Variants in DLGAP2 observed in about 807,000 individuals in gnomAD.
The protein encoded by DLGAP2 is disks large-associated protein 2.
A neutral mutation model predicts 100.3 loss-of-function variants in DLGAP2; 26 were observed. That is an observed-to-expected ratio of 0.26 (90% confidence interval 0.19 to 0.36). The LOEUF (loss-of-function observed/expected upper bound fraction) is 0.36. Among genes scored for constraint, DLGAP2 ranks in the 10% least tolerant of loss-of-function variants. The pLI is 1.00. For synonymous variants in DLGAP2, 886 were observed against 630.1 expected (o/e 1.41, Z -6.08); for missense variants, 1,858 against 1,453.2 (o/e 1.28, Z -4.53).
intron 2 of DLGAP2, among the ~76,000 whole-genome samples, chr8:1,237,022 C>A (rs1188492840): frequency 5.4e-5 from 8 of 147,042 alleles, no homozygotes; most frequent in African/African-American, 1.3e-4. Flanking sequence ...TTCTGTCTCA[C>A]ACAGAGCATC....
Position 1,135,240 on chromosome 8 carries a change from T to C in DLGAP2, c.74-123611T>C, listed in dbSNP as rs535180452. On this transcript the variant is annotated intron_variant, in intron 2 of 14. Transcript: ENST00000637795. ...TTGTTTTTGCTTTTTAACAAATACA[T>C]GTCAGTTAGTATTTTCCAAGCTGCC... Among the ~76,000 whole-genome samples the C allele has an allele frequency of 2.7e-3, 411 of 152,270 alleles. 10 individuals carry two copies. The South Asian group carries it at 0.035, about 13-fold the overall frequency.
chr8:1,128,824 A>G (rs1363963745), intron 2 of DLGAP2, among the ~76,000 whole-genome samples: 1 of 152,226 alleles, frequency 6.6e-6, no homozygotes, highest in Non-Finnish European at 1.5e-5. Context: ...AGCTCATTGT[A>G]AAGTGTTGGA....
intron 2 of DLGAP2, among the ~76,000 whole-genome samples, chr8:924,399 G>A (rs1383639476): frequency 6.6e-6 from 1 of 152,112 alleles, no homozygotes. Flanking sequence ...TGGACGTTGG[G>A]TGGGGTGGAT....
At chr8:1,602,281 G>A (rs1047074541) in intron 6 of DLGAP2, among the ~76,000 whole-genome samples, 2 of 152,228 alleles carry the variant, frequency 1.3e-5, no homozygotes, top group Admixed American at 1.3e-4. Flanking sequence ...CATTCTAGTA[G>A]AAAGTGTAAG....
Position 1,668,588 on chromosome 8 carries a change from G to T in DLGAP2, c.2070G>T (p.Gln690His). The change falls in exon 9 of 15, where the codon CAG (glutamine) becomes CAT (histidine). Residue 690 changes from glutamine to histidine, a missense_variant. Coordinates refer to ENST00000637795, the MANE Select transcript of DLGAP2 (RefSeq NM_001346810.2). ...CCCAGCGCCACCTGCCAGAGAGCCA[G>T]AGCAGCTCTGTGCGGACCAGCGACA... ...AAAQRHLPES[Q>H]SSSVRTSDKA... 1 of 1,598,120 alleles carries T rather than the reference G, an allele frequency of 6.3e-7. No homozygotes were observed. The highest frequency in any genetic ancestry group is 8.5e-7 in the Non-Finnish European group (1 of 1,173,260).
chr8:1,067,446 C>T (rs1803289936), intron 2 of DLGAP2, among the ~76,000 whole-genome samples: 1 of 152,150 alleles, frequency 6.6e-6, no homozygotes, highest in Admixed American at 6.5e-5. Context: ...AGGTCAGAGG[C>T]TTCCTGGGAG....
At chr8:1,203,278 CCGCCCACCCCTCGG>C (rs1797919780) in intron 2 of DLGAP2, among the ~76,000 whole-genome samples, 1 of 149,670 alleles carries the variant, frequency 6.7e-6, no homozygotes, top group Non-Finnish European at 1.5e-5. Flanking sequence ...GGTGATGAGG[CCGCCCACCCCTCGG>C]TGTTAGAATC....
At chr8:1,071,814 T>C (rs935819) in intron 2 of DLGAP2, among the ~76,000 whole-genome samples, 52,919 of 152,108 alleles carry the variant, frequency 0.35, 9,208 homozygotes, top group Middle Eastern at 0.4. Context: ...GAAATATACT[T>C]AATCACCCAG....
chr8:857,499 C>A (rs999170710), intron 1 of DLGAP2, among the ~76,000 whole-genome samples: 1 of 152,144 alleles, frequency 6.6e-6, no homozygotes, highest in African/African-American at 2.4e-5. Context: ...GAGAAAACAA[C>A]CTGATTTTTA....
At chr8:1,640,118 T>A (rs1167908747) in intron 8 of DLGAP2, among the ~76,000 whole-genome samples, 9 of 152,192 alleles carry the variant, frequency 5.9e-5, no homozygotes, top group Non-Finnish European at 8.8e-5. Flanking sequence ...GAGCCCAGTA[T>A]AAATGGTGAC....
intron 2 of DLGAP2, among the ~76,000 whole-genome samples, chr8:1,029,301 G>A (rs1490522065): frequency 6.6e-6 from 1 of 152,180 alleles, no homozygotes; most frequent in Non-Finnish European, 1.5e-5. Flanking sequence ...GGATATTAGG[G>A]CGAGAAGAGT....
At chr8:1,226,037 A>G (rs1563264432) in intron 2 of DLGAP2, among the ~76,000 whole-genome samples, 1 of 152,132 alleles carries the variant, frequency 6.6e-6, no homozygotes, top group Admixed American at 6.6e-5. Flanking sequence ...TATGGTATAT[A>G]TGGAAGAGGA....
At chr8:1,141,642 AG>A (rs1796524287) in intron 2 of DLGAP2, among the ~76,000 whole-genome samples, 1 of 152,226 alleles carries the variant, frequency 6.6e-6, no homozygotes, top group African/African-American at 2.4e-5. Flanking sequence ...GGTAAGTATT[AG>A]CAAAAATTTG....
intron 3 of DLGAP2, among the ~76,000 whole-genome samples, chr8:1,433,756 T>G (rs1797530063): frequency 6.8e-6 from 1 of 146,998 alleles, no homozygotes; most frequent in Non-Finnish European, 1.5e-5. Flanking sequence ...TTTTTTTTTT[T>G]GCTAGGAGAG....
intron 2 of DLGAP2, among the ~76,000 whole-genome samples, chr8:1,122,345 C>T (rs1796068491): frequency 6.6e-6 from 1 of 152,148 alleles, no homozygotes; most frequent in African/African-American, 2.4e-5. Context: ...ACTGGTGACA[C>T]ATGAGATTCT....
intron 6 of DLGAP2, among the ~76,000 whole-genome samples, chr8:1,566,639 C>G (rs1802414314): frequency 6.6e-6 from 1 of 152,146 alleles, no homozygotes; most frequent in South Asian, 2.1e-4. Flanking sequence ...TCAGCCTTGG[C>G]CAGTGCCACA....
intron 2 of DLGAP2, among the ~76,000 whole-genome samples, chr8:979,099 TG>T (rs1246879369): frequency 6.6e-6 from 1 of 151,712 alleles, no homozygotes; most frequent in Non-Finnish European, 1.5e-5. Flanking sequence ...AATTCTAAAT[TG>T]GGGGTGGGGG....
At chr8:1,472,881 A>G (rs973260306) in intron 3 of DLGAP2, among the ~76,000 whole-genome samples, 2 of 152,210 alleles carry the variant, frequency 1.3e-5, no homozygotes, top group African/African-American at 2.4e-5. Flanking sequence ...CATACATTCC[A>G]TTCCTAAATA....
At chr8:847,377 TAAA>T (rs1294423415) in intron 1 of DLGAP2, among the ~76,000 whole-genome samples, 1 of 152,222 alleles carries the variant, frequency 6.6e-6, no homozygotes, top group Non-Finnish European at 1.5e-5. Context: ...TGACTAAAAT[TAAA>T]AAGTTTTAAT....
Sources: allele counts gnomAD v4.1 joint callset (sites outside exome capture counted in the v4.1 genomes callset), GRCh38; gene constraint gnomAD v4.1.1; transcripts MANE v1.5; gene names NCBI Gene and HGNC (gene_info 2026-07-23, HGNC 2026-07-21).